Variants in PPP2R2C observed in about 807,000 individuals in gnomAD.
PPP2R2C encodes the protein protein phosphatase 2, regulatory subunit B, gamma.
In PPP2R2C, 10 loss-of-function variants were observed where a neutral mutation model predicts 45.3. That is an observed-to-expected ratio of 0.22 (90% confidence interval 0.14 to 0.37). PPP2R2C has a LOEUF of 0.37. Ranked by LOEUF, PPP2R2C falls within the 10% of genes least tolerant of loss-of-function variation. The pLI, the probability that PPP2R2C is intolerant of heterozygous loss-of-function variation, is 1.00. For synonymous variants in PPP2R2C, 257 were observed against 245.4 expected (o/e 1.05, Z -0.44); for missense variants, 308 against 619.7 (o/e 0.50, Z 5.34).
chr4:6,510,460 T>C (rs1452734283), intron 2 of PPP2R2C, among the ~76,000 whole-genome samples: 1 of 152,220 alleles, frequency 6.6e-6, no homozygotes, highest in East Asian at 1.9e-4. Flanking sequence ...CATCACCCTG[T>C]TTTAACTTCT....
chr4:6,556,807 G>C (rs949285770), intron 1 of PPP2R2C, among the ~76,000 whole-genome samples: 1 of 152,042 alleles, frequency 6.6e-6, no homozygotes, highest in Non-Finnish European at 1.5e-5. Flanking sequence ...AGCATCTCTC[G>C]GGGTGCCCCT....
chr4:6,423,530 G>A (rs1242458937), intron 1 of PPP2R2C, among the ~76,000 whole-genome samples: 1 of 152,224 alleles, frequency 6.6e-6, no homozygotes, highest in Admixed American at 6.5e-5. Flanking sequence ...TGGAAACCAA[G>A]AAACACACAT....
intron 1 of PPP2R2C, among the ~76,000 whole-genome samples, chr4:6,396,172 G>A (rs1717022017): frequency 6.6e-6 from 1 of 152,198 alleles, no homozygotes; most frequent in African/African-American, 2.4e-5. Context: ...CCACCCAGGA[G>A]CAGGCTGCTT....
chr4:6,334,749 C>G (rs1191363899), intron 6 of PPP2R2C, among the ~76,000 whole-genome samples: 1 of 152,210 alleles, frequency 6.6e-6, no homozygotes, highest in Non-Finnish European at 1.5e-5. Flanking sequence ...GACAACCTGT[C>G]CAGCTGTCCC....
intron 6 of PPP2R2C, among the ~76,000 whole-genome samples, chr4:6,344,518 G>A (rs1275437054): frequency 6.6e-6 from 1 of 152,144 alleles, no homozygotes; most frequent in Admixed American, 6.5e-5. Flanking sequence ...CTAGCCCACT[G>A]AAAAATGTCA....
At chr4:6,493,621 TATG>T (rs1029965686) in intron 2 of PPP2R2C, among the ~76,000 whole-genome samples, 1 of 151,294 alleles carries the variant, frequency 6.6e-6, no homozygotes, top group Non-Finnish European at 1.5e-5. Context: ...AAGATAAATT[TATG>T]CCAGTGCCTT....
intron 2 of PPP2R2C, among the ~76,000 whole-genome samples, chr4:6,520,901 G>C (rs879621318): frequency 7.2e-5 from 11 of 152,228 alleles, no homozygotes; most frequent in Admixed American, 2.0e-4. Flanking sequence ...CCCAGGGCTG[G>C]GAAGTGGCCG....
At chr4:6,357,813 G>A (rs146395826) in intron 5 of PPP2R2C, among the ~76,000 whole-genome samples, 12 of 152,164 alleles carry the variant, frequency 7.9e-5, no homozygotes, top group Admixed American at 2.6e-4. Context: ...TCAGCAAAGC[G>A]GGGTTTCTTC....
intron 1 of PPP2R2C, among the ~76,000 whole-genome samples, chr4:6,543,869 CA>C (rs1206831331): frequency 3.3e-5 from 5 of 152,176 alleles, no homozygotes; most frequent in Non-Finnish European, 7.4e-5. Context: ...TAAAGCCGAG[CA>C]TGTTTCTTTT....
intron 2 of PPP2R2C, among the ~76,000 whole-genome samples, chr4:6,534,575 C>A (rs1197059545): frequency 1.3e-5 from 2 of 151,880 alleles, no homozygotes; most frequent in Non-Finnish European, 1.5e-5. Context: ...ACAAACACAT[C>A]AACGCATACA....
In PPP2R2C at chr4:6,347,976, G is replaced by A; in HGVS notation, c.660C>T (p.Asp220=). 6.2e-7 allele frequency: 1 copy of A among 1,614,022 alleles called. No individual in the cohort carries two copies. Among genetic ancestry groups the A allele is most frequent in the Non-Finnish European group, 8.5e-7 (1 of 1,179,982 alleles). Reference sequence around the variant, plus strand: ...CAGATGCTGTGATCACCTCCGTAAGGTCCTCCATGTTGGCCGGCTTGATGT... The same window carrying A: ...CAGATGCTGTGATCACCTCCGTAAGATCCTCCATGTTGGCCGGCTTGATGT... ...IVDIKPANME[D]LTEVITASEF... Residue 220 remains aspartate (D), a synonymous_variant, in exon 6 of 9, where the codon GAC becomes GAT. Coordinates refer to ENST00000382599, the MANE Select transcript of PPP2R2C (RefSeq NM_020416.4).
chr4:6,383,028 G>T, intron 1 of PPP2R2C: 1 of 1,078,476 alleles, frequency 9.3e-7, no homozygotes, highest in Non-Finnish European at 1.1e-6. Context: ...CAGGTGACCT[G>T]TTCTCTGCCC....
At chr4:6,483,530 T>C (rs891359736) in intron 2 of PPP2R2C, among the ~76,000 whole-genome samples, 1 of 152,176 alleles carries the variant, frequency 6.6e-6, no homozygotes, top group Non-Finnish European at 1.5e-5. Context: ...CCGTGACTAA[T>C]GATGTTGCTC....
chr4:6,392,979 G>A lies in PPP2R2C; in HGVS notation c.71-11885C>T, dbSNP rs146544619. 2.1e-3 allele frequency among the ~76,000 whole-genome samples: 322 copies of A among 152,244 alleles called. 2 individuals are homozygous for A. The South Asian group carries it at 0.022, about 10-fold the overall frequency. ...TTATATGGCTTCTCTCTCAGGCCTC[G>A]CTCCAGGTCTATGAGGAAAGGCGTT... On this transcript the variant is annotated intron_variant, in intron 1 of 8. Transcript: ENST00000382599.
intron 2 of PPP2R2C, among the ~76,000 whole-genome samples, chr4:6,504,821 C>G (rs1206874278): frequency 6.6e-6 from 1 of 152,168 alleles, no homozygotes; most frequent in Non-Finnish European, 1.5e-5. Context: ...AAACACCAAA[C>G]AGTCTCCCAT....
intron 1 of PPP2R2C, among the ~76,000 whole-genome samples, chr4:6,544,513 T>C (rs1432814242): frequency 4.6e-5 from 7 of 152,010 alleles, no homozygotes; most frequent in Admixed American, 3.3e-4. Context: ...CAGCTAATTT[T>C]TGTTTAAGAG....
intron 5 of PPP2R2C, among the ~76,000 whole-genome samples, chr4:6,365,506 G>T (rs192984892): frequency 3.9e-5 from 6 of 152,336 alleles, no homozygotes; most frequent in Admixed American, 1.3e-4. Flanking sequence ...ACACTCCCAT[G>T]GGATAAAGGG....
chr4:6,367,826 T>C (rs964151828), intron 5 of PPP2R2C, among the ~76,000 whole-genome samples: 1 of 152,138 alleles, frequency 6.6e-6, no homozygotes, highest in Non-Finnish European at 1.5e-5. Context: ...CCCCAATGAA[T>C]AGATCCAATC....
At chr4:6,438,444 G>C (rs1030171095) in intron 1 of PPP2R2C, among the ~76,000 whole-genome samples, 1 of 152,134 alleles carries the variant, frequency 6.6e-6, no homozygotes, top group African/African-American at 2.4e-5. Context: ...TTTGGTGGAC[G>C]GGTCTCCCTC....
Sources: gnomAD v4.1 joint callset for allele counts (sites outside exome capture counted in the v4.1 genomes callset) on GRCh38, gnomAD v4.1.1 for gene constraint, MANE v1.5 for transcripts, NCBI Gene and HGNC (gene_info 2026-07-23, HGNC 2026-07-21) for gene names.